The following PRELID2 variants were observed in gnomAD, a reference collection of about 807,000 sequenced individuals.
PRELID2 encodes PRELI domain containing 2.
In PRELID2, 25 loss-of-function variants were observed where a neutral mutation model predicts 28.4. The observed-to-expected ratio is 0.88, with a 90% CI of 0.64 to 1.23. PRELID2 has a LOEUF of 1.23. Ranked by LOEUF, PRELID2 falls within the 50% of genes most tolerant of loss-of-function variation. The pLI, the probability that PRELID2 is intolerant of heterozygous loss-of-function variation, is 0.00. For missense variants in PRELID2, 201 were observed against 214.4 expected (o/e 0.94, Z 0.39); for synonymous variants, 76 against 71.6 (o/e 1.06, Z -0.31).
chr5:145,346,761 A>G, the PRELID2 span, among the ~76,000 whole-genome samples: 1 of 152,150 alleles, frequency 6.6e-6, no homozygotes, highest in African/African-American at 2.4e-5. Flanking sequence ...ATGGAGAAAG[A>G]AGCTGATTTT....
At chr5:145,461,763 C>A in the PRELID2 span, among the ~76,000 whole-genome samples, 1 of 152,132 alleles carries the variant, frequency 6.6e-6, no homozygotes, top group Admixed American at 6.5e-5. Flanking sequence ...AGATTAGTAT[C>A]AGGTGGATTC....
At chr5:145,737,164 A>G (rs1210380334) in intron 1 of PRELID2, among the ~76,000 whole-genome samples, 1 of 152,112 alleles carries the variant, frequency 6.6e-6, no homozygotes, top group African/African-American at 2.4e-5. Context: ...GTTGGGACCA[A>G]TTCTTGCCCT....
intron 1 of PRELID2, among the ~76,000 whole-genome samples, chr5:145,498,384 G>A (rs918612810): frequency 2.0e-5 from 3 of 152,160 alleles, no homozygotes. Context: ...ACACAGTCAA[G>A]CATGGTGGCG....
At chr5:145,533,417 CAA>C (rs1752672286) in intron 1 of PRELID2, among the ~76,000 whole-genome samples, 1 of 152,064 alleles carries the variant, frequency 6.6e-6, no homozygotes, top group African/African-American at 2.4e-5. Flanking sequence ...AAGAAAATAT[CAA>C]AGTTATTGTT....
At chr5:145,318,329 C>T in the PRELID2 span, among the ~76,000 whole-genome samples, 1 of 152,114 alleles carries the variant, frequency 6.6e-6, no homozygotes, top group Non-Finnish European at 1.5e-5. Context: ...GAAATGCTTT[C>T]CTTTACTAAA....
the PRELID2 span, among the ~76,000 whole-genome samples, chr5:145,274,407 G>A: frequency 6.6e-6 from 1 of 152,140 alleles, no homozygotes; most frequent in Non-Finnish European, 1.5e-5. Context: ...TTATGCATCA[G>A]AAAAGAAAAT....
intron 1 of PRELID2, among the ~76,000 whole-genome samples, chr5:145,694,808 A>G (rs936860261): frequency 6.6e-6 from 1 of 152,154 alleles, no homozygotes; most frequent in Non-Finnish European, 1.5e-5. Flanking sequence ...AGGAAAAAAA[A>G]AAAAGGAAAG....
At chr5:145,249,631 T>C in the PRELID2 span, among the ~76,000 whole-genome samples, 1 of 152,098 alleles carries the variant, frequency 6.6e-6, no homozygotes, top group Admixed American at 6.6e-5. Flanking sequence ...AGGCTGCAAA[T>C]CTGTAGGTTT....
chr5:145,671,217 G>A (rs752514243), intron 1 of PRELID2, among the ~76,000 whole-genome samples: 2 of 152,070 alleles, frequency 1.3e-5, no homozygotes, highest in East Asian at 1.9e-4. Flanking sequence ...AAAAACTATC[G>A]CTATACAGAT....
At position 145,652,667 on chromosome 5, in the gene PRELID2, G is replaced by A. The variant is rs542333497; in HGVS notation, n.70+112264C>T. ...GCCAAACTAAGCTTCATAAGTGAAG[G>A]AGAAATAAAATCCTTTACAGACAAG... On this transcript the variant is annotated intron_variant and non_coding_transcript_variant, in intron 1 of 2. Coordinates refer to the PRELID2 transcript ENST00000510259. Among the ~76,000 whole-genome samples the A allele has an allele frequency of 3.0e-3, 452 of 152,254 alleles. 2 individuals carry two copies. The highest frequency in any genetic ancestry group is 6.8e-3 in the Middle Eastern group (2 of 294).
chr5:145,453,513 T>C, the PRELID2 span, among the ~76,000 whole-genome samples: 2 of 152,174 alleles, frequency 1.3e-5, no homozygotes, highest in African/African-American at 2.4e-5. Context: ...GTGCAGAACG[T>C]GCAGGTTTGT....
At chr5:145,427,458 C>A in the PRELID2 span, among the ~76,000 whole-genome samples, 1 of 152,174 alleles carries the variant, frequency 6.6e-6, no homozygotes, top group African/African-American at 2.4e-5. Flanking sequence ...AAGATGGCAT[C>A]TATTTTTAAA....
At chr5:145,675,940 G>A (rs528583204) in intron 1 of PRELID2, among the ~76,000 whole-genome samples, 1 of 152,330 alleles carries the variant, frequency 6.6e-6, no homozygotes, top group East Asian at 1.9e-4. Context: ...ATAATGTGGG[G>A]CTGGGCGCAG....
At chr5:145,500,048 A>G (rs1266377071) in intron 1 of PRELID2, among the ~76,000 whole-genome samples, 1 of 152,150 alleles carries the variant, frequency 6.6e-6, no homozygotes, top group Non-Finnish European at 1.5e-5. Flanking sequence ...TCCAGCAATT[A>G]TTCTGCCCTT....
chr5:145,793,329 G>T (rs1019786089), intron 5 of PRELID2, among the ~76,000 whole-genome samples: 3 of 152,114 alleles, frequency 2.0e-5, no homozygotes, highest in African/African-American at 7.2e-5. Context: ...GAAAAAAATA[G>T]ATATCAGATC....
chr5:145,670,299 C>A (rs1161448708), intron 1 of PRELID2, among the ~76,000 whole-genome samples: 1 of 152,006 alleles, frequency 6.6e-6, no homozygotes, highest in Non-Finnish European at 1.5e-5. Context: ...TTTTAACAGT[C>A]AGATTTCACA....
chr5:145,392,240 TGGG>T, the PRELID2 span, among the ~76,000 whole-genome samples: 1 of 152,084 alleles, frequency 6.6e-6, no homozygotes, highest in African/African-American at 2.4e-5. Context: ...TCAGCATGGC[TGGG>T]GAGGCCTCAG....
intron 1 of PRELID2, among the ~76,000 whole-genome samples, chr5:145,596,188 A>T (rs1753304050): frequency 6.6e-6 from 1 of 151,932 alleles, no homozygotes; most frequent in Admixed American, 6.6e-5. Context: ...AAGAAATGGA[A>T]GGAGGGAGAA....
At chr5:145,781,109 GGGTGGCTA>G (rs1751552641) in intron 5 of PRELID2, among the ~76,000 whole-genome samples, 1 of 152,162 alleles carries the variant, frequency 6.6e-6, no homozygotes, top group African/African-American at 2.4e-5. Context: ...TGCCCATTAG[GGGTGGCTA>G]CAACCAAAGG....
Sources: gnomAD v4.1 joint callset for allele counts (sites outside exome capture counted in the v4.1 genomes callset) on GRCh38, gnomAD v4.1.1 for gene constraint, MANE v1.5 for transcripts, NCBI Gene and HGNC (gene_info 2026-07-23, HGNC 2026-07-21) for gene names.